Variants in ERBB4 observed in about 807,000 individuals in gnomAD.
ERBB4 encodes the protein erb-b2 receptor tyrosine kinase 4.
A neutral mutation model predicts 158.0 loss-of-function variants in ERBB4; 42 were observed. That is an observed-to-expected ratio of 0.27 (90% CI 0.21 to 0.34). ERBB4 has a LOEUF of 0.34. Among genes scored for constraint, ERBB4 ranks in the 10% least tolerant of loss-of-function variants. The pLI is 1.00. For synonymous variants in ERBB4, 583 were observed against 558.7 expected, an observed-to-expected ratio of 1.04 and a Z score of -0.61; for missense variants, 1,333 against 1,624.1, an observed-to-expected ratio of 0.82 and a Z score of 3.08.
chr2:211,863,672 C>A (rs1575273740), intron 3 of ERBB4, among the ~76,000 whole-genome samples: 1 of 152,122 alleles, frequency 6.6e-6, no homozygotes, highest in South Asian at 2.1e-4. Flanking sequence ...CCAGACACAT[C>A]TGAACATCTG....
chr2:212,290,856 G>GA (rs1156381177), intron 1 of ERBB4, among the ~76,000 whole-genome samples: 9 of 150,630 alleles, frequency 6.0e-5, no homozygotes, highest in Admixed American at 3.3e-4. Flanking sequence ...AATCAAAGGA[G>GA]AAAAAAAAAT....
At chr2:211,800,182 T>C (rs1180204985) in intron 3 of ERBB4, among the ~76,000 whole-genome samples, 1 of 152,210 alleles carries the variant, frequency 6.6e-6, no homozygotes, top group Non-Finnish European at 1.5e-5. Context: ...AAAGTCTGTC[T>C]GCCTGGCTCC....
chr2:212,344,147 A>G (rs917634820), intron 1 of ERBB4, among the ~76,000 whole-genome samples: 1 of 152,212 alleles, frequency 6.6e-6, no homozygotes, highest in Admixed American at 6.5e-5. Flanking sequence ...GTTATTAACG[A>G]AATACAAAGG....
intron 4 of ERBB4, among the ~76,000 whole-genome samples, chr2:211,785,577 C>T (rs1321194546): frequency 1.3e-5 from 2 of 152,074 alleles, no homozygotes; most frequent in Non-Finnish European, 2.9e-5. Flanking sequence ...CTGTAATTCG[C>T]TTTTGAGTTA....
intron 19 of ERBB4, among the ~76,000 whole-genome samples, chr2:211,572,656 C>T (rs1006721911): frequency 6.6e-6 from 1 of 152,190 alleles, no homozygotes; most frequent in African/African-American, 2.4e-5. Context: ...TCAAGCCTAG[C>T]AGTGCTGTTA....
At chr2:211,461,578 A>T (rs2064531342) in intron 20 of ERBB4, among the ~76,000 whole-genome samples, 2 of 152,052 alleles carry the variant, frequency 1.3e-5, no homozygotes, top group South Asian at 2.1e-4. Context: ...ACTACTGTAA[A>T]TTGAGGATAA....
intron 25 of ERBB4, among the ~76,000 whole-genome samples, chr2:211,404,154 C>T (rs930267715): frequency 2.0e-5 from 3 of 152,156 alleles, no homozygotes; most frequent in Non-Finnish European, 2.9e-5. Flanking sequence ...TCAGCTTCAG[C>T]GTTATTTTTG....
At chr2:211,767,188 A>G (rs1190651223) in intron 4 of ERBB4, among the ~76,000 whole-genome samples, 1 of 152,140 alleles carries the variant, frequency 6.6e-6, no homozygotes, top group Admixed American at 6.5e-5. Flanking sequence ...CATTTTTCCC[A>G]ATTCTTTGTT....
chr2:211,390,582 T>A (rs1177629764), intron 25 of ERBB4, among the ~76,000 whole-genome samples: 1 of 152,110 alleles, frequency 6.6e-6, no homozygotes, highest in African/African-American at 2.4e-5. Flanking sequence ...CAGGGAACAG[T>A]TTATTATCTA....
intron 4 of ERBB4, among the ~76,000 whole-genome samples, chr2:211,781,480 T>G (rs1215406320): frequency 6.6e-6 from 1 of 152,132 alleles, no homozygotes; most frequent in African/African-American, 2.4e-5. Context: ...AAGAAAAAGG[T>G]TGTAGGGACT....
At chr2:211,957,983 T>A (rs965746893) in intron 2 of ERBB4, among the ~76,000 whole-genome samples, 8 of 152,212 alleles carry the variant, frequency 5.3e-5, no homozygotes, top group African/African-American at 1.4e-4. Context: ...GAAATACCCT[T>A]TGAGGATGCA....
intron 2 of ERBB4, among the ~76,000 whole-genome samples, chr2:212,103,105 T>G (rs191113424): frequency 3.9e-5 from 6 of 152,268 alleles, no homozygotes; most frequent in Admixed American, 3.3e-4. Flanking sequence ...CTGGACTTCT[T>G]TCTCTTCCAG....
intron 5 of ERBB4, among the ~76,000 whole-genome samples, chr2:211,746,824 T>A (rs1470501171): frequency 9.2e-6 from 1 of 109,108 alleles, no homozygotes; most frequent in East Asian, 2.9e-4. Context: ...AGGGAGACTG[T>A]CTCAAAAAAA....
intron 1 of ERBB4, among the ~76,000 whole-genome samples, chr2:212,373,446 G>A (rs550658197): frequency 3.3e-5 from 5 of 152,032 alleles, no homozygotes; most frequent in African/African-American, 1.2e-4. Context: ...AATAATGATA[G>A]TAATAGTTAC....
At chr2:212,490,826 T>A (rs1472945928) in intron 1 of ERBB4, among the ~76,000 whole-genome samples, 2 of 151,794 alleles carry the variant, frequency 1.3e-5, no homozygotes, top group East Asian at 3.9e-4. Flanking sequence ...ACAGTAACTT[T>A]AGCAGTGTTT....
At chr2:212,474,091 T>G (rs1426733705) in intron 1 of ERBB4, among the ~76,000 whole-genome samples, 4 of 152,274 alleles carry the variant, frequency 2.6e-5, no homozygotes, top group South Asian at 2.1e-4. Flanking sequence ...TCAGTTATTT[T>G]GTAGATGACA....
intron 1 of ERBB4, among the ~76,000 whole-genome samples, chr2:212,466,115 T>G (rs1688821741): frequency 6.6e-6 from 1 of 152,230 alleles, no homozygotes; most frequent in South Asian, 2.1e-4. Flanking sequence ...AAGAAACTAT[T>G]ATTATTCAAC....
At chr2:212,210,419 C>T (rs1352574094) in intron 1 of ERBB4, among the ~76,000 whole-genome samples, 1 of 151,982 alleles carries the variant, frequency 6.6e-6, no homozygotes, top group Admixed American at 6.6e-5. Context: ...GCCTATGACT[C>T]TTGAAATTTC....
chr2:212,050,917 A>G (rs767721799), intron 2 of ERBB4, among the ~76,000 whole-genome samples: 1 of 152,178 alleles, frequency 6.6e-6, no homozygotes, highest in Non-Finnish European at 1.5e-5. Context: ...TTTCTGCCGT[A>G]TGAACAACTA....
Sources: gnomAD v4.1 joint callset for allele counts (sites outside exome capture counted in the v4.1 genomes callset) on GRCh38, gnomAD v4.1.1 for gene constraint, MANE v1.5 for transcripts, NCBI Gene and HGNC (gene_info 2026-07-23, HGNC 2026-07-21) for gene names.